Variants in PLEKHM3 observed in about 807,000 individuals in gnomAD.
The protein encoded by PLEKHM3 is pleckstrin homology domain containing M3, also known as pleckstrin homology domain-containing family M member 3.
Under a neutral mutation model 81.8 loss-of-function variants are expected in PLEKHM3, and 45 were observed. The observed-to-expected ratio is 0.55, with a 90% CI of 0.43 to 0.71. The LOEUF (loss-of-function observed/expected upper bound fraction) is 0.71. Ranked by LOEUF, PLEKHM3 falls within the 30% of genes least tolerant of loss-of-function variation. The pLI is 0.00. For missense variants in PLEKHM3, 788 were observed against 924.3 expected (o/e 0.85, Z 1.91); for synonymous variants, 352 against 356.4 (o/e 0.99, Z 0.14).
intron 4 of PLEKHM3, among the ~76,000 whole-genome samples, chr2:207,937,424 G>T (rs1689792022): frequency 6.6e-6 from 1 of 152,092 alleles, no homozygotes; most frequent in Non-Finnish European, 1.5e-5. Context: ...TTAAAAATTA[G>T]CCAGGTGTAG....
chr2:207,933,708 G>A (rs1689661720), intron 4 of PLEKHM3, among the ~76,000 whole-genome samples: 1 of 152,150 alleles, frequency 6.6e-6, no homozygotes, highest in African/African-American at 2.4e-5. Flanking sequence ...TGAGACAAAT[G>A]GAACAGCAGC....
At chr2:207,916,665 T>C (rs1689002563) in intron 5 of PLEKHM3, among the ~76,000 whole-genome samples, 2 of 152,046 alleles carry the variant, frequency 1.3e-5, no homozygotes, top group African/African-American at 4.8e-5. Flanking sequence ...GGAAAATCAC[T>C]TGAACCCAGG....
intron 6 of PLEKHM3, among the ~76,000 whole-genome samples, chr2:207,897,805 C>T (rs969807582): frequency 6.6e-6 from 1 of 152,200 alleles, no homozygotes; most frequent in African/African-American, 2.4e-5. Context: ...TTTTCTACCT[C>T]ACAAAGCAAT....
chr2:208,023,800 T>C (rs1167335933), intron 1 of PLEKHM3, among the ~76,000 whole-genome samples: 2 of 152,200 alleles, frequency 1.3e-5, no homozygotes, highest in Middle Eastern at 3.4e-3. Flanking sequence ...AAATCCCCAT[T>C]GCCTGCCTCC....
intron 6 of PLEKHM3, among the ~76,000 whole-genome samples, chr2:207,871,352 G>C (rs1370925710): frequency 6.6e-6 from 1 of 152,100 alleles, no homozygotes; most frequent in Non-Finnish European, 1.5e-5. Context: ...ACTGAGGGTG[G>C]ATTGTGATGC....
At chr2:207,987,362 G>A (rs962179164) in intron 2 of PLEKHM3, among the ~76,000 whole-genome samples, 5 of 152,156 alleles carry the variant, frequency 3.3e-5, no homozygotes, top group Non-Finnish European at 4.4e-5. Context: ...TCTAATTCCA[G>A]GGGGACTACT....
In PLEKHM3 at chr2:207,826,346, A is replaced by C. The variant is rs1227109436; in HGVS notation, c.*1973T>G. 6.6e-6 allele frequency: 1 copy of C among 152,220 alleles called. No homozygotes were observed. The allele number at this position is 152,220 out of a possible 1,614,324, so 9.4% of individuals were successfully genotyped here. A position where few individuals can be genotyped will look rare whatever the true frequency, so the allele number is the denominator to read the frequency against. On this transcript the variant is annotated 3_prime_UTR_variant, in exon 8 of 8. Transcript: ENST00000427836. ...TGATCAAATTTGTTTGCCTGTTGCC[A>C]AGTGTTTGAGATTTTCCACCCTTTT...
intron 2 of PLEKHM3, among the ~76,000 whole-genome samples, chr2:207,994,971 A>G (rs1348904664): frequency 6.6e-6 from 1 of 152,204 alleles, no homozygotes; most frequent in Non-Finnish European, 1.5e-5. Flanking sequence ...AAACACGTGT[A>G]TACCTATGTA....
chr2:207,976,975 C>A lies in PLEKHM3; in HGVS notation c.1222G>T (p.Asp408Tyr). The change falls in exon 3 of 8, where the codon GAC (aspartate) becomes TAC (tyrosine). Residue 408 changes from aspartate to tyrosine, a missense_variant. Asp to Tyr is a radical substitution (Grantham distance 160). Transcript: ENST00000427836. The surrounding 1 kb of genome is among the most constrained non-coding windows in gnomAD (Gnocchi z 4.1). The stretch of plus-strand genomic sequence containing the variant: ...TCCATCTGGACAGCCAGACACACGT[C>A]CACGTTGTAGCTCAACAGTGGATCC... ...DEDPLLSYNV[D>Y]VCLAVQMDNL... The A allele has an allele frequency of 4.3e-6, 7 of 1,614,216 alleles. No individual in the cohort carries two copies. The highest frequency in any genetic ancestry group is 5.1e-6 in the Non-Finnish European group (6 of 1,180,042).
chr2:208,016,579 G>A (rs1488543499), intron 1 of PLEKHM3, among the ~76,000 whole-genome samples: 1 of 150,546 alleles, frequency 6.6e-6, no homozygotes, highest in Non-Finnish European at 1.5e-5. Flanking sequence ...AGCCTTGGGA[G>A]GCAGAGATTG....
intron 5 of PLEKHM3, among the ~76,000 whole-genome samples, chr2:207,913,490 G>C (rs952795691): frequency 6.6e-6 from 1 of 152,116 alleles, no homozygotes; most frequent in Admixed American, 6.5e-5. Flanking sequence ...GTGGTCAATG[G>C]CATCAAAGGT....
chr2:207,976,967 A>G lies in PLEKHM3; in HGVS notation c.1230T>C (p.Cys410=), dbSNP rs1201818548. The change falls in exon 3 of 8, where the codon TGT becomes TGC. Residue 410 remains cysteine, a synonymous_variant. Transcript: ENST00000427836. This position sits in a 1 kb window ranked among gnomAD's most constrained non-coding sequence, Gnocchi z 4.1. Reference sequence around the variant, plus strand: ...CCAGGTTGTCCATCTGGACAGCCAGACACACGTCCACGTTGTAGCTCAACA... The same window carrying G: ...CCAGGTTGTCCATCTGGACAGCCAGGCACACGTCCACGTTGTAGCTCAACA... ...DPLLSYNVDV[C]LAVQMDNLDG... 2 of 1,614,226 alleles carry G rather than the reference A, an allele frequency of 1.2e-6. No individual in the cohort carries two copies. The highest frequency in any genetic ancestry group is 2.2e-5 in the South Asian group (2 of 91,086).
chr2:207,963,986 C>T (rs1255589083), intron 3 of PLEKHM3, among the ~76,000 whole-genome samples: 1 of 152,162 alleles, frequency 6.6e-6, no homozygotes. Context: ...CTGAGGCCGG[C>T]AGATCACCTG....
chr2:207,897,032 C>T (rs1013985966), intron 6 of PLEKHM3, among the ~76,000 whole-genome samples: 1 of 152,182 alleles, frequency 6.6e-6, no homozygotes, highest in Admixed American at 6.5e-5. Context: ...CAAGCGCAGG[C>T]CTAGGGAGAG....
rs376021917 is a variant in PLEKHM3, at chr2:207,826,908, T to G, written c.*1411A>C. 4 of 152,304 alleles carry G rather than the reference T, an allele frequency of 2.6e-5. No homozygotes were observed. Among genetic ancestry groups the G allele is most frequent in the African/African-American group, 4.8e-5 (2 of 41,562 alleles). 9.4% of individuals were successfully genotyped at this position (152,304 alleles called of 1,614,324 possible). A position where few individuals can be genotyped will look rare whatever the true frequency, so the allele number is the denominator to read the frequency against. ...AGAGTTAAGGGGAAGGAATGGGAGC[T>G]GTCAGGGTCCCAGGGCTGTCCTACC... is the stretch of plus-strand genomic sequence containing the variant. On this transcript the variant is annotated 3_prime_UTR_variant, in exon 8 of 8. Transcript: ENST00000427836.
chr2:207,887,016 A>C (rs1173790810), intron 6 of PLEKHM3, among the ~76,000 whole-genome samples: 2 of 152,230 alleles, frequency 1.3e-5, no homozygotes, highest in African/African-American at 4.8e-5. Flanking sequence ...GTGAAGATCA[A>C]ACGAGTACAG....
At chr2:207,904,669 T>A (rs2105895360) in intron 6 of PLEKHM3, among the ~76,000 whole-genome samples, 1 of 152,310 alleles carries the variant, frequency 6.6e-6, no homozygotes, top group East Asian at 1.9e-4. Context: ...CAATTGTCAA[T>A]CCTTGCTATT....
chr2:207,872,220 C>G (rs969734293), intron 6 of PLEKHM3, among the ~76,000 whole-genome samples: 4 of 152,156 alleles, frequency 2.6e-5, no homozygotes, highest in African/African-American at 9.7e-5. Context: ...TCTGAGGTCA[C>G]TGGATGCCTA....
At chr2:208,008,054 A>AAAAT (rs1351702784) in intron 1 of PLEKHM3, among the ~76,000 whole-genome samples, 2 of 151,832 alleles carry the variant, frequency 1.3e-5, no homozygotes, top group Non-Finnish European at 1.5e-5. Flanking sequence ...CTGTATCTCA[A>AAAAT]AAATAAATAA....
Sources: gnomAD v4.1 joint callset for allele counts (sites outside exome capture counted in the v4.1 genomes callset) on GRCh38, gnomAD v4.1.1 for gene constraint, Gnocchi (gnomAD v3.1) non-coding constraint, MANE v1.5 for transcripts, NCBI Gene and HGNC (gene_info 2026-07-23, HGNC 2026-07-21) for gene names.